UBR3: variants seen among roughly 807,000 people sequenced by gnomAD.
The protein encoded by UBR3 is ubiquitin protein ligase E3 component n-recognin 3, also known as E3 ubiquitin-protein ligase UBR3.
A neutral mutation model predicts 243.2 loss-of-function variants in UBR3; 85 were observed. That is an observed-to-expected ratio of 0.35 (90% CI 0.29 to 0.42). The LOEUF is 0.42. UBR3 is among the 10% of genes least tolerant of loss of function. UBR3 has a pLI of 1.00. For synonymous variants in UBR3, 748 were observed against 799.8 expected (o/e 0.94, Z 1.09); for missense variants, 1,686 against 2,300.8 (o/e 0.73, Z 5.47).
Position 170,081,985 on chromosome 2 carries a change from A to G in UBR3, c.*142A>G. Reference sequence around the variant, plus strand: ...TACATTATGAAGCCTTTCCAAAATTAGGTGCTTGGTAATCACGTTAATGGT... The same window carrying G: ...TACATTATGAAGCCTTTCCAAAATTGGGTGCTTGGTAATCACGTTAATGGT... On this transcript the variant is annotated 3_prime_UTR_variant, in exon 39 of 39. Transcript: ENST00000272793. 1.9e-6 allele frequency: 1 copy of G among 532,288 alleles called. No individual in the cohort carries two copies. Among genetic ancestry groups the G allele is most frequent in the Non-Finnish European group, 3.2e-6 (1 of 314,224 alleles). The allele number at this position is 532,288 out of a possible 1,614,324, so 33.0% of individuals were successfully genotyped here.
At chr2:169,931,713 T>C (rs984360732) in intron 18 of UBR3, among the ~76,000 whole-genome samples, 1 of 152,204 alleles carries the variant, frequency 6.6e-6, no homozygotes, top group African/African-American at 2.4e-5. Context: ...ATAGCCTCTC[T>C]ACTGAAATAT....
intron 32 of UBR3, among the ~76,000 whole-genome samples, chr2:170,053,257 GA>G (rs1271867915): frequency 6.6e-6 from 1 of 152,144 alleles, no homozygotes; most frequent in Non-Finnish European, 1.5e-5. Context: ...GGTTTATGCC[GA>G]ATGTACCTGC....
chr2:169,828,897 T>C lies in UBR3; in HGVS notation c.545+845T>C, dbSNP rs114687969. Among the ~76,000 whole-genome samples the C allele has an allele frequency of 4.6e-5, 7 of 152,302 alleles. 1 individual carries two copies. Among genetic ancestry groups the C allele is most frequent in the African/African-American group, 7.2e-5 (3 of 41,558 alleles). ...GCGATGCATCAGATGTTGGGACTTA[T>C]GAGAAAAGACATTTCAGAGTTTGCA... On this transcript the variant is annotated intron_variant, in intron 1 of 38. Transcript: ENST00000272793.
chr2:169,873,017 G>A (rs946872134), intron 2 of UBR3, among the ~76,000 whole-genome samples: 2 of 152,014 alleles, frequency 1.3e-5, no homozygotes, highest in East Asian at 3.8e-4. Flanking sequence ...GACATTGTCA[G>A]TTACAGATAT....
chr2:170,059,965 T>A (rs2091424702), intron 33 of UBR3, among the ~76,000 whole-genome samples: 1 of 152,166 alleles, frequency 6.6e-6, no homozygotes, highest in African/African-American at 2.4e-5. Flanking sequence ...TTCATGATAT[T>A]TTGGAATTTA....
intron 8 of UBR3, among the ~76,000 whole-genome samples, chr2:169,901,004 A>G (rs73011790): frequency 1.3e-5 from 2 of 152,106 alleles, no homozygotes; most frequent in South Asian, 4.1e-4. Context: ...TGTAAACTAC[A>G]TGTTGAGGAA....
At chr2:169,998,892 A>G (rs1184119700) in intron 26 of UBR3, among the ~76,000 whole-genome samples, 3 of 152,192 alleles carry the variant, frequency 2.0e-5, no homozygotes, top group Admixed American at 2.0e-4. Context: ...TGGTAAAGTT[A>G]TCATTCCTCT....
At chr2:169,863,190 C>G (rs762312375) in intron 1 of UBR3, among the ~76,000 whole-genome samples, 7 of 152,170 alleles carry the variant, frequency 4.6e-5, no homozygotes, top group Non-Finnish European at 1.0e-4. Context: ...CTCTACTTCT[C>G]CCACAGTCCA....
rs1434216187 is a variant in UBR3 at position 169,949,854 on chromosome 2, C to T, written c.3334C>T (p.Leu1112Phe). The T allele has an allele frequency of 6.3e-7, 1 of 1,585,702 alleles. No individual in the cohort carries two copies. The highest frequency in any genetic ancestry group is 1.1e-5 in the South Asian group (1 of 88,096). ...ACAAAACTCCTACTATCCTCCTTGGCTTGATGACATAGAAATTTTAATCCA... is the reference window on the plus strand; with the variant it reads ...ACAAAACTCCTACTATCCTCCTTGGTTTGATGACATAGAAATTTTAATCCA... ...GKQNSYYPPW[L>F]DDIEILIQPE... Residue 1112 changes from leucine to phenylalanine, a missense_variant, in exon 23 of 39, where the codon CTT becomes TTT. Physicochemically the swap from Leu to Phe is conservative, Grantham distance 22. Transcript: ENST00000272793.
rs998490305 is a variant in UBR3 at position 169,828,069 on chromosome 2, C to T, written c.545+17C>T. On this transcript the variant is annotated intron_variant, in intron 1 of 38. Coordinates refer to ENST00000272793, the MANE Select transcript of UBR3 (RefSeq NM_172070.4). ...GGAGAGCGGGTGAGTGGAGCCCTCC[C>T]CGCGGGCGAGGCGACCCTGGGCCGG... 11 of 1,358,750 alleles carry T rather than the reference C, an allele frequency of 8.1e-6. No individual in the cohort carries two copies. The African/African-American group carries it at 1.5e-4, about 19-fold the overall frequency. The allele number at this position is 1,358,750 out of a possible 1,614,324, so 84.2% of individuals were successfully genotyped here.
At chr2:169,944,017 A>G (rs1196077102) in intron 20 of UBR3, among the ~76,000 whole-genome samples, 1 of 152,114 alleles carries the variant, frequency 6.6e-6, no homozygotes, top group Non-Finnish European at 1.5e-5. Context: ...TGGGTGGTTT[A>G]TTTTCATTAA....
chr2:169,876,081 C>CTTA, intron 3 of UBR3, 132 bp downstream of exon 3: 6 of 600,644 alleles, frequency 1.0e-5, no homozygotes, highest in Admixed American at 4.7e-5. Flanking sequence ...ATTAAGAGAA[C>CTTA]TTCTTTTTTT....
chr2:169,990,757 AAAGAG>A (rs1322816947), intron 25 of UBR3, among the ~76,000 whole-genome samples: 4 of 151,984 alleles, frequency 2.6e-5, no homozygotes, highest in African/African-American at 9.7e-5. Flanking sequence ...ACATAAAAGA[AAAGAG>A]AAGGGAATCA....
At chr2:169,923,358 C>G (rs937307779) in intron 11 of UBR3, among the ~76,000 whole-genome samples, 3 of 152,140 alleles carry the variant, frequency 2.0e-5, no homozygotes, top group African/African-American at 7.2e-5. Flanking sequence ...CAGTTCACTA[C>G]TTTTGAACTT....
intron 38 of UBR3, among the ~76,000 whole-genome samples, 185 bp from the exon 39 acceptor site, chr2:170,081,539 AAG>A (rs777740484): frequency 2.3e-4 from 35 of 151,952 alleles, no homozygotes; most frequent in Non-Finnish European, 4.6e-4. Context: ...AAAATAAAAA[AAG>A]GAGGCAGGCA....
intron 1 of UBR3, among the ~76,000 whole-genome samples, chr2:169,839,420 T>C (rs1162097556): frequency 6.6e-6 from 1 of 152,076 alleles, no homozygotes; most frequent in Non-Finnish European, 1.5e-5. Flanking sequence ...AAATATATGG[T>C]TTGATGGAAG....
Position 169,886,129 on chromosome 2 carries a change from C to T in UBR3, c.1039-5036C>T, listed in dbSNP as rs570024870. ...CCGAGATCGCGCCACTGCACCCCAGCCTGCGCGACAGAGTGAGACTCCGTC... is the reference window on the plus strand; with the variant it reads ...CCGAGATCGCGCCACTGCACCCCAGTCTGCGCGACAGAGTGAGACTCCGTC... On this transcript the variant is annotated intron_variant, in intron 5 of 38. Transcript: ENST00000272793. 2.0e-5 allele frequency among the ~76,000 whole-genome samples: 3 copies of T among 150,602 alleles called. No homozygotes were observed. The South Asian group carries it at 6.3e-4, about 32-fold the overall frequency.
chr2:169,882,546 G>A (rs1326869274), intron 5 of UBR3, among the ~76,000 whole-genome samples: 1 of 151,030 alleles, frequency 6.6e-6, no homozygotes, highest in African/African-American at 2.4e-5. Flanking sequence ...TTTGACACCA[G>A]CCTGGCCAAC....
intron 32 of UBR3, among the ~76,000 whole-genome samples, chr2:170,043,538 A>G (rs2091016889): frequency 1.3e-5 from 2 of 152,222 alleles, no homozygotes; most frequent in Admixed American, 1.3e-4. Context: ...AAAAATGTAT[A>G]ATATTGTTAA....
Sources: gnomAD v4.1 joint callset for allele counts (sites outside exome capture counted in the v4.1 genomes callset) on GRCh38, gnomAD v4.1.1 for gene constraint, MANE v1.5 for transcripts, NCBI Gene and HGNC (gene_info 2026-07-23, HGNC 2026-07-21) for gene names.